PCDHA13: variants seen among roughly 807,000 people sequenced by gnomAD.
PCDHA13 encodes the protein protocadherin alpha 13.
Under a neutral mutation model 64.8 loss-of-function variants are expected in PCDHA13, and 54 were observed. The observed-to-expected ratio is 0.83, with a 90% CI of 0.67 to 1.04. PCDHA13 has a LOEUF of 1.04. Ranked by LOEUF, PCDHA13 falls within the 50% of genes least tolerant of loss-of-function variation. The pLI, the probability that PCDHA13 is intolerant of heterozygous loss-of-function variation, is 0.00. For synonymous variants in PCDHA13, 587 were observed against 564.4 expected (o/e 1.04, Z -0.57); for missense variants, 1,248 against 1,254.3 (o/e 0.99, Z 0.08).
intron 1 of PCDHA13, chr5:140,926,908 G>A: frequency 6.4e-7 from 1 of 1,560,434 alleles, no homozygotes; most frequent in South Asian, 1.2e-5. Context: ...GGGCTGTGGG[G>A]TGGCAGTTTT....
At chr5:140,980,722 A>G (rs1318137295) in intron 2 of PCDHA13, among the ~76,000 whole-genome samples, 1 of 152,356 alleles carries the variant, frequency 6.6e-6, no homozygotes, top group South Asian at 2.1e-4. Context: ...TCGGGTTTCA[A>G]TTAAGATATT....
intron 3 of PCDHA13, 71 bp from the exon 4 acceptor site, chr5:141,009,556 A>T: frequency 6.4e-7 from 1 of 1,564,868 alleles, no homozygotes; most frequent in Non-Finnish European, 8.7e-7. Flanking sequence ...GTACTCCTGT[A>T]CTCTACCAGC....
intron 1 of PCDHA13, among the ~76,000 whole-genome samples, chr5:140,921,904 T>A (rs1554200513): frequency 1.3e-5 from 2 of 151,968 alleles, no homozygotes; most frequent in African/African-American, 4.8e-5. Flanking sequence ...GATAAATATA[T>A]ATTACATGAT....
At chr5:141,000,944 T>C (rs2097977292) in intron 3 of PCDHA13, among the ~76,000 whole-genome samples, 1 of 152,196 alleles carries the variant, frequency 6.6e-6, no homozygotes, top group Non-Finnish European at 1.5e-5. Flanking sequence ...GGACAAATTA[T>C]CTTGCTGTAA....
intron 1 of PCDHA13, among the ~76,000 whole-genome samples, chr5:140,903,855 AAT>A (rs2070667296): frequency 6.6e-6 from 1 of 152,186 alleles, no homozygotes; most frequent in Non-Finnish European, 1.5e-5. Context: ...CTTAACAAAT[AAT>A]ATAGAGTAAA....
intron 1 of PCDHA13, chr5:140,927,991 G>T: frequency 6.2e-7 from 1 of 1,614,202 alleles, no homozygotes; most frequent in Non-Finnish European, 8.5e-7. Flanking sequence ...TGTAAAGGAT[G>T]AAGACCTCGA....
intron 1 of PCDHA13, among the ~76,000 whole-genome samples, chr5:140,886,020 A>G (rs1402901328): frequency 2.0e-5 from 3 of 152,182 alleles, no homozygotes; most frequent in African/African-American, 7.2e-5. Flanking sequence ...GATGCTATGT[A>G]TTCTTCACTA....
chr5:140,987,730 C>CAA (rs2097266231), intron 3 of PCDHA13, among the ~76,000 whole-genome samples: 1 of 152,066 alleles, frequency 6.6e-6, no homozygotes, highest in African/African-American at 2.4e-5. Flanking sequence ...CCTACAGCTT[C>CAA]AAAATTTAGA....
At chr5:140,970,562 A>G (rs1406680335) in intron 1 of PCDHA13, among the ~76,000 whole-genome samples, 1 of 152,156 alleles carries the variant, frequency 6.6e-6, no homozygotes, top group African/African-American at 2.4e-5. Flanking sequence ...TCGTCTCCAT[A>G]TGTATGCTTG....
At chr5:141,005,558 C>T (rs367751568) in intron 3 of PCDHA13, among the ~76,000 whole-genome samples, 1 of 151,122 alleles carries the variant, frequency 6.6e-6, no homozygotes, top group Non-Finnish European at 1.5e-5. Context: ...AAAAATTAGC[C>T]GGGCATGGTG....
intron 1 of PCDHA13, chr5:140,968,611 G>A: frequency 6.2e-7 from 1 of 1,614,194 alleles, no homozygotes; most frequent in African/African-American, 1.3e-5. Flanking sequence ...CAGACTCTGG[G>A]CAAAATGCTT....
intron 3 of PCDHA13, 48 bp from the exon 4 acceptor site, chr5:141,009,579 A>T: frequency 6.3e-7 from 1 of 1,586,202 alleles, no homozygotes; most frequent in Non-Finnish European, 8.6e-7. Context: ...TGTGGCATCA[A>T]GAGCATGTGT....
intron 3 of PCDHA13, 155 bp downstream of exon 3, chr5:140,982,718 T>A: frequency 1.1e-6 from 1 of 924,050 alleles, no homozygotes; most frequent in Non-Finnish European, 1.3e-6. Flanking sequence ...CATATATGAT[T>A]ATTTTGATTT....
chr5:140,928,835 C>G (rs782027566), intron 1 of PCDHA13: 1 of 1,614,036 alleles, frequency 6.2e-7, no homozygotes, highest in African/African-American at 1.3e-5. Context: ...CCACTTTCCT[C>G]CTCTGTCACT....
chr5:141,000,361 GTCTCTCTCTC>G lies in PCDHA13; in HGVS notation c.2543-9240_2543-9231del, dbSNP rs148596731. Reference sequence around the variant, plus strand: ...CCTATCTCTCTCTCTGTCTCTCTCTGTCTCTCTCTCTCTCTCTCTCTCTCTCTCTCTCTCT... The same window carrying G: ...CCTATCTCTCTCTCTGTCTCTCTCTGTCTCTCTCTCTCTCTCTCTCTCTCT... On this transcript the variant is annotated intron_variant, in intron 3 of 3. Transcript: ENST00000289272. 0.019 allele frequency among the ~76,000 whole-genome samples: 511 copies of G among 26,396 alleles called. 13 individuals carry two copies. In the Middle Eastern group the frequency reaches 0.2, roughly 10 times the overall value. The allele number at this position is 26,396 out of a possible 152,430, so 17.3% of individuals were successfully genotyped here.
In PCDHA13 at chr5:140,975,255, C is replaced by A. The variant is rs530385456; in HGVS notation, c.2395-3694C>A. On this transcript the variant is annotated intron_variant, in intron 1 of 3. Transcript: ENST00000289272. ...ATGGAATCCCTCTTATGCTTCAGAT[C>A]TCTCTGATTTCTGTCTCTGACCTCT... Among the ~76,000 whole-genome samples, 6 of 152,334 alleles carry A rather than the reference C, an allele frequency of 3.9e-5. No individual in the cohort carries two copies. In the South Asian group the frequency reaches 1.2e-3, roughly 32 times the overall value.
chr5:140,937,838 G>A (rs757526914), intron 1 of PCDHA13, among the ~76,000 whole-genome samples: 3 of 150,986 alleles, frequency 2.0e-5, no homozygotes, highest in Non-Finnish European at 2.9e-5. Context: ...CATGAACCTG[G>A]AAGGCGGAAC....
intron 1 of PCDHA13, among the ~76,000 whole-genome samples, chr5:140,953,965 G>A (rs1554221174): frequency 6.6e-6 from 1 of 152,024 alleles, no homozygotes; most frequent in Non-Finnish European, 1.5e-5. Flanking sequence ...GCCCCAGTGT[G>A]TGTTGTTCCC....
intron 3 of PCDHA13, among the ~76,000 whole-genome samples, chr5:141,000,383 CTCTCTCTCTCTCTATA>C (rs1346959358): frequency 3.2e-5 from 2 of 63,198 alleles, no homozygotes; most frequent in African/African-American, 1.4e-4. Context: ...CTCTCTCTCT[CTCTCTCTCTCTCTATA>C]TATATATATA....
Sources: gnomAD v4.1 joint callset for allele counts (sites outside exome capture counted in the v4.1 genomes callset) on GRCh38, gnomAD v4.1.1 for gene constraint, MANE v1.5 for transcripts, NCBI Gene and HGNC (gene_info 2026-07-23, HGNC 2026-07-21) for gene names.